POLR3G: variants seen among roughly 807,000 people sequenced by gnomAD.
The protein encoded by POLR3G is DNA-directed RNA polymerase III subunit RPC7.
In POLR3G, 28 loss-of-function variants were observed where a neutral mutation model predicts 30.1. That is an observed-to-expected ratio of 0.93 (90% confidence interval 0.69 to 1.27). The LOEUF is 1.27. Ranked by LOEUF, POLR3G falls within the 50% of genes most tolerant of loss-of-function variation. The probability of loss-of-function intolerance (pLI) is 0.00; values close to 1 mark genes in which losing one functional copy is unlikely to be tolerated. For synonymous variants in POLR3G, 79 were observed against 82.5 expected, an observed-to-expected ratio of 0.96 and a Z score of 0.23; for missense variants, 254 against 264.6, an observed-to-expected ratio of 0.96 and a Z score of 0.28.
chr5:90,490,599 G>A (rs898656847), intron 3 of POLR3G: 3 of 398,728 alleles, frequency 7.5e-6, no homozygotes, highest in African/African-American at 2.2e-5. Flanking sequence ...GTAGAGACGG[G>A]AGTCTTGCTT....
chr5:90,497,147 A>G (rs918570860), intron 4 of POLR3G, among the ~76,000 whole-genome samples: 11 of 152,176 alleles, frequency 7.2e-5, no homozygotes, highest in African/African-American at 2.7e-4. Context: ...TATTTATTGG[A>G]GGAGATTTGT....
intron 2 of POLR3G, 34 bp downstream of exon 2, chr5:90,485,718 G>C (rs753117825): frequency 1.4e-6 from 2 of 1,466,256 alleles, no homozygotes; most frequent in Non-Finnish European, 1.9e-6. Flanking sequence ...CTCATAGTGT[G>C]TTTTTTCATT....
intron 1 of POLR3G, among the ~76,000 whole-genome samples, chr5:90,484,443 G>C (rs951788370): frequency 1.3e-5 from 2 of 152,152 alleles, no homozygotes; most frequent in Non-Finnish European, 2.9e-5. Flanking sequence ...GTCCAAAATA[G>C]TGCCTATATT....
At chr5:90,482,426 G>A (rs1751166902) in intron 1 of POLR3G, among the ~76,000 whole-genome samples, 1 of 152,154 alleles carries the variant, frequency 6.6e-6, no homozygotes. Context: ...GTTCATTCCT[G>A]GGCATAGGCT....
intron 1 of POLR3G, among the ~76,000 whole-genome samples, chr5:90,481,806 A>G (rs1456557418): frequency 6.6e-6 from 1 of 152,226 alleles, no homozygotes; most frequent in East Asian, 1.9e-4. Context: ...ATATAAGATG[A>G]TGGTATAGAG....
chr5:90,511,616 CTT>C (rs11331138), intron 7 of POLR3G, among the ~76,000 whole-genome samples: 1,752 of 138,922 alleles, frequency 0.013, 27 homozygotes, highest in East Asian at 0.06. Flanking sequence ...GGTATCATGC[CTT>C]TTTTTTTTTT....
At chr5:90,504,925 A>T (rs180866304) in intron 6 of POLR3G, among the ~76,000 whole-genome samples, 1 of 152,324 alleles carries the variant, frequency 6.6e-6, no homozygotes, top group Admixed American at 6.5e-5. Flanking sequence ...AAGACAACAT[A>T]TGAGTCAGTA....
intron 5 of POLR3G, among the ~76,000 whole-genome samples, chr5:90,500,521 T>C (rs1226509211): frequency 2.0e-5 from 3 of 152,166 alleles, no homozygotes; most frequent in African/African-American, 7.2e-5. Context: ...ATTAATATTA[T>C]AATAATTTAT....
chr5:90,506,473 G>C, intron 6 of POLR3G, 55 bp from the exon 7 acceptor site: 1 of 1,566,432 alleles, frequency 6.4e-7, no homozygotes, highest in Non-Finnish European at 8.6e-7. Context: ...GGCTAAGCAG[G>C]GAAGTCAGCA....
intron 2 of POLR3G, 130 bp from the exon 3 acceptor site, chr5:90,487,870 T>G: frequency 1.5e-6 from 1 of 646,616 alleles, no homozygotes; most frequent in Non-Finnish European, 2.4e-6. Context: ...ATCTTTTAAG[T>G]TGGTTGTAAA....
At chr5:90,490,571 AT>A (rs10686849) in intron 3 of POLR3G, 19,067 of 310,340 alleles carry the variant, frequency 0.061, 1 homozygote, top group South Asian at 0.085. Flanking sequence ...CTAACTTTTA[AT>A]TTTTTTTTTT....
chr5:90,508,841 A>G (rs1752611417), intron 7 of POLR3G, among the ~76,000 whole-genome samples: 1 of 152,140 alleles, frequency 6.6e-6, no homozygotes, highest in Non-Finnish European at 1.5e-5. Context: ...AGGCGGGTGG[A>G]TCACGAGGTC....
At chr5:90,485,244 G>A (rs1751378395) in intron 1 of POLR3G, among the ~76,000 whole-genome samples, 1 of 152,134 alleles carries the variant, frequency 6.6e-6, no homozygotes, top group Admixed American at 6.5e-5. Flanking sequence ...CATTACATCT[G>A]AGATCCTACT....
At chr5:90,478,630 G>A (rs1319649016) in intron 1 of POLR3G, among the ~76,000 whole-genome samples, 2 of 136,500 alleles carry the variant, frequency 1.5e-5, no homozygotes, top group Non-Finnish European at 3.1e-5. Context: ...GTGCAGCGGC[G>A]CAAGCAACCT....
At chr5:90,474,271 C>T (rs1750651972), upstream of POLR3G, 7 of 1,613,344 alleles carry the variant, frequency 4.3e-6, no homozygotes, top group Non-Finnish European at 5.9e-6. Flanking sequence ...GACTTGTGGG[C>T]GTACCACTCG....
At chr5:90,505,122 C>G (rs533629570) in intron 6 of POLR3G, among the ~76,000 whole-genome samples, 1 of 152,026 alleles carries the variant, frequency 6.6e-6, no homozygotes, top group Non-Finnish European at 1.5e-5. Context: ...TAAAGATAAG[C>G]GTTTAAGAAC....
At chr5:90,503,691 A>G (rs1291825466) in intron 6 of POLR3G, among the ~76,000 whole-genome samples, 1 of 152,170 alleles carries the variant, frequency 6.6e-6, no homozygotes, top group African/African-American at 2.4e-5. Context: ...TGACTTTCTT[A>G]TTGCTGATTT....
chr5:90,503,070 T>C (rs1385402264), intron 6 of POLR3G, among the ~76,000 whole-genome samples: 3 of 152,218 alleles, frequency 2.0e-5, no homozygotes, highest in East Asian at 1.9e-4. Context: ...ACTACCGTTA[T>C]CAATGCATGC....
intron 1 of POLR3G, among the ~76,000 whole-genome samples, chr5:90,481,794 C>T (rs982260938): frequency 1.3e-5 from 2 of 151,982 alleles, no homozygotes; most frequent in Non-Finnish European, 2.9e-5. Flanking sequence ...AATGTTAGTT[C>T]TATATAAGAT....
Sources: gnomAD v4.1 joint callset for allele counts (sites outside exome capture counted in the v4.1 genomes callset) on GRCh38, gnomAD v4.1.1 for gene constraint, MANE v1.5 for transcripts, NCBI Gene and HGNC (gene_info 2026-07-23, HGNC 2026-07-21) for gene names.